The following ADAMTS19 variants were observed in gnomAD, a reference collection of about 807,000 sequenced individuals.
ADAMTS19 encodes ADAM metallopeptidase with thrombospondin type 1 motif 19, also known as A disintegrin and metalloproteinase with thrombospondin motifs 19.
In ADAMTS19, 93 loss-of-function variants were observed where a neutral mutation model predicts 153.3. That is an observed-to-expected ratio of 0.61 (90% confidence interval 0.51 to 0.72). The LOEUF is 0.72. Ranked by LOEUF, ADAMTS19 falls within the 30% of genes least tolerant of loss-of-function variation. ADAMTS19 has a pLI of 0.00. For synonymous variants in ADAMTS19, 600 were observed against 556.6 expected, an observed-to-expected ratio of 1.08 and a Z score of -1.10; for missense variants, 1,482 against 1,552.1, an observed-to-expected ratio of 0.95 and a Z score of 0.76.
chr5:129,505,691 A>G (rs1221500776), intron 2 of ADAMTS19, among the ~76,000 whole-genome samples: 1 of 152,176 alleles, frequency 6.6e-6, no homozygotes, highest in Non-Finnish European at 1.5e-5. Flanking sequence ...AAGCAATGCT[A>G]AATTGCAAAA....
At chr5:129,659,678 T>G (rs774541341) in intron 15 of ADAMTS19, among the ~76,000 whole-genome samples, 11 of 152,140 alleles carry the variant, frequency 7.2e-5, no homozygotes, top group Non-Finnish European at 1.5e-5. Flanking sequence ...CCTCCCATGC[T>G]CAAACAATCC....
intron 10 of ADAMTS19, among the ~76,000 whole-genome samples, chr5:129,631,168 T>TC (rs1316552209): frequency 6.7e-6 from 1 of 148,458 alleles, no homozygotes; most frequent in East Asian, 1.9e-4. Flanking sequence ...AGGTTTTTTT[T>TC]TTTTTTTTTT....
At chr5:129,662,207 G>A (rs1337188055) in intron 15 of ADAMTS19, among the ~76,000 whole-genome samples, 2 of 152,180 alleles carry the variant, frequency 1.3e-5, no homozygotes, top group African/African-American at 4.8e-5. Context: ...GATGAAGATT[G>A]CTATCAACAT....
intron 6 of ADAMTS19, among the ~76,000 whole-genome samples, chr5:129,530,471 G>GT (rs1316012664): frequency 1.3e-5 from 2 of 152,124 alleles, no homozygotes; most frequent in African/African-American, 4.8e-5. Flanking sequence ...GTTGAGCGTT[G>GT]TGGGGAGCAG....
chr5:129,588,212 C>G (rs1749917608), intron 7 of ADAMTS19, among the ~76,000 whole-genome samples: 1 of 152,042 alleles, frequency 6.6e-6, no homozygotes, highest in Non-Finnish European at 1.5e-5. Flanking sequence ...AAACTCTGTT[C>G]CAAAATATCC....
chr5:129,509,364 A>T, intron 3 of ADAMTS19, 122 bp downstream of exon 3: 2 of 908,172 alleles, frequency 2.2e-6, no homozygotes, highest in Non-Finnish European at 3.2e-6. Context: ...TTTAATTAGT[A>T]ACAATTAAAT....
intron 6 of ADAMTS19, among the ~76,000 whole-genome samples, chr5:129,529,659 A>T (rs936303608): frequency 1.1e-4 from 16 of 152,172 alleles, no homozygotes; most frequent in African/African-American, 3.9e-4. Context: ...AAAAATTCTT[A>T]ACTAGCGTAG....
chr5:129,541,286 T>G (rs1247618494), intron 6 of ADAMTS19, among the ~76,000 whole-genome samples: 1 of 151,930 alleles, frequency 6.6e-6, no homozygotes, highest in Non-Finnish European at 1.5e-5. Context: ...TGTCATAGTT[T>G]TATCGTGTTG....
At chr5:129,637,445 T>G (rs913445394) in intron 10 of ADAMTS19, among the ~76,000 whole-genome samples, 3 of 152,186 alleles carry the variant, frequency 2.0e-5, no homozygotes, top group Admixed American at 6.5e-5. Context: ...TATTTTTACT[T>G]TCTTTTAAAA....
chr5:129,497,153 G>A (rs1750951740), intron 2 of ADAMTS19, among the ~76,000 whole-genome samples: 2 of 152,038 alleles, frequency 1.3e-5, no homozygotes, highest in Non-Finnish European at 2.9e-5. Flanking sequence ...CTAAAGGAGA[G>A]CTTACTCTTT....
At chr5:129,687,798 A>G (rs188950048) in intron 18 of ADAMTS19, among the ~76,000 whole-genome samples, 60 of 152,314 alleles carry the variant, frequency 3.9e-4, no homozygotes, top group African/African-American at 1.3e-3. Context: ...CACAAAATAC[A>G]GCATGTCTTC....
chr5:129,634,185 A>T (rs1752431730), intron 10 of ADAMTS19, among the ~76,000 whole-genome samples: 1 of 152,122 alleles, frequency 6.6e-6, no homozygotes, highest in Non-Finnish European at 1.5e-5. Context: ...CACTTTCATA[A>T]TTGCCATGCA....
At position 129,518,009 on chromosome 5, in the gene ADAMTS19, C is replaced by T. The variant is rs559733241; in HGVS notation, c.914-8275C>T. ...GAGGTTGCAAATACTATCTTATAAA[C>T]CATTATTTTAACCTGATAACATCTT... is the stretch of plus-strand genomic sequence containing the variant. On this transcript the variant is annotated intron_variant, in intron 3 of 22. Coordinates refer to ENST00000274487, the MANE Select transcript of ADAMTS19 (RefSeq NM_133638.6). Among the ~76,000 whole-genome samples, 11 of 152,078 alleles carry T rather than the reference C, an allele frequency of 7.2e-5. No individual in the cohort carries two copies. In the East Asian group the frequency reaches 2.1e-3, roughly 29 times the overall value.
At chr5:129,538,645 T>G (rs1752546640) in intron 6 of ADAMTS19, among the ~76,000 whole-genome samples, 2 of 152,050 alleles carry the variant, frequency 1.3e-5, no homozygotes, top group African/African-American at 4.8e-5. Context: ...AATAACATAA[T>G]TAACAACTAC....
At chr5:129,554,086 G>C (rs977786651) in intron 7 of ADAMTS19, among the ~76,000 whole-genome samples, 22 of 152,086 alleles carry the variant, frequency 1.4e-4, no homozygotes, top group African/African-American at 5.3e-4. Context: ...AGGTAATCTA[G>C]AGATGATTCG....
chr5:129,472,623 A>T (rs1750103275), intron 2 of ADAMTS19, among the ~76,000 whole-genome samples: 1 of 152,158 alleles, frequency 6.6e-6, no homozygotes, highest in Non-Finnish European at 1.5e-5. Context: ...ATAAAAAGAA[A>T]GCAACAGTTG....
At chr5:129,553,814 A>G (rs1753218946) in intron 7 of ADAMTS19, among the ~76,000 whole-genome samples, 1 of 152,098 alleles carries the variant, frequency 6.6e-6, no homozygotes, top group Non-Finnish European at 1.5e-5. Context: ...AAGTCAAATT[A>G]ATCTGTTTCA....
At chr5:129,542,392 AGAT>A (rs921473821) in intron 6 of ADAMTS19, among the ~76,000 whole-genome samples, 1 of 152,196 alleles carries the variant, frequency 6.6e-6, no homozygotes, top group Non-Finnish European at 1.5e-5. Context: ...CCCAGTGGAA[AGAT>A]GCTAGGGACT....
chr5:129,680,883 A>G (rs890454935), intron 17 of ADAMTS19, among the ~76,000 whole-genome samples: 1 of 152,168 alleles, frequency 6.6e-6, no homozygotes, highest in Non-Finnish European at 1.5e-5. Context: ...TTTGACCTTG[A>G]TTATGGCAGT....
Sources: gnomAD v4.1 joint callset for allele counts (sites outside exome capture counted in the v4.1 genomes callset) on GRCh38, gnomAD v4.1.1 for gene constraint, MANE v1.5 for transcripts, NCBI Gene and HGNC (gene_info 2026-07-23, HGNC 2026-07-21) for gene names.